The following MX1 variants were observed in gnomAD, a reference collection of about 807,000 sequenced individuals.
MX1 encodes the protein MX dynamin like GTPase 1.
In MX1, 66 loss-of-function variants were observed where a neutral mutation model predicts 66.4. The observed-to-expected ratio is 0.99, with a 90% CI of 0.82 to 1.22. The LOEUF (loss-of-function observed/expected upper bound fraction) is 1.22. Among genes scored for constraint, MX1 ranks in the 50% most tolerant of loss-of-function variants. The pLI, the probability that MX1 is intolerant of heterozygous loss-of-function variation, is 0.00. For missense variants in MX1, 787 were observed against 834.3 expected (o/e 0.94, Z 0.70); for synonymous variants, 311 against 318.1 (o/e 0.98, Z 0.24).
At chr21:41,434,990 A>G (rs1474350113) in intron 5 of MX1, among the ~76,000 whole-genome samples, 2 of 152,230 alleles carry the variant, frequency 1.3e-5, no homozygotes, top group Non-Finnish European at 1.5e-5. Context: ...TTGAATGGCT[A>G]AAAAAGTCTT....
chr21:41,456,379 A>G (rs386760), intron 16 of MX1, among the ~76,000 whole-genome samples: 144,800 of 152,334 alleles, frequency 0.95, 69,373 homozygotes, highest in African/African-American at 0.99. Context: ...GGCCAGCAGG[A>G]AGAGCAGGCC....
chr21:41,436,866 C>A, intron 6 of MX1, 149 bp from the exon 7 acceptor site: 1 of 889,050 alleles, frequency 1.1e-6, no homozygotes, highest in Non-Finnish European at 1.7e-6. Flanking sequence ...AGTGCGATGT[C>A]CCCGCATATC....
chr21:41,452,333 G>T (rs2090853108), intron 15 of MX1, among the ~76,000 whole-genome samples: 1 of 152,190 alleles, frequency 6.6e-6, no homozygotes, highest in African/African-American at 2.4e-5. Flanking sequence ...AAAGAGAAAG[G>T]AAAGAAGCTG....
At chr21:41,429,645 A>T (rs1422915968) in intron 3 of MX1, 1 of 152,152 alleles carries the variant, frequency 6.6e-6, no homozygotes, top group Admixed American at 6.5e-5. Context: ...ATTACCTTTT[A>T]TAACCATCCC....
chr21:41,456,294 G>T (rs944649362), intron 16 of MX1, among the ~76,000 whole-genome samples: 5 of 152,092 alleles, frequency 3.3e-5, no homozygotes, highest in Admixed American at 3.3e-4. Flanking sequence ...CAGAAGGAAA[G>T]AAAGAAATAT....
intron 14 of MX1, 23 bp from the exon 15 acceptor site, chr21:41,451,144 A>G (rs770806099): frequency 1.3e-6 from 2 of 1,511,596 alleles, no homozygotes; most frequent in Non-Finnish European, 1.8e-6. Context: ...CCAATATTGA[A>G]CTATTTTTCT....
Position 41,441,673 on chromosome 21 carries a change from C to G in MX1, c.731-43C>G, listed in dbSNP as rs200274669. On this transcript the variant is annotated intron_variant, in intron 9 of 16. Coordinates refer to ENST00000398598, the MANE Select transcript of MX1 (RefSeq NM_002462.5). This position sits in a 1 kb window ranked among gnomAD's most constrained non-coding sequence, Gnocchi z 4.0. ...AGCAGTTGTTCGTTCACCTCTGCCT[C>G]GTGACTGAGCACGTTCTCTCCCCAA... 2 of 1,605,624 alleles carry G rather than the reference C, an allele frequency of 1.2e-6. No homozygotes were observed. Among genetic ancestry groups the G allele is most frequent in the Non-Finnish European group, 8.5e-7 (1 of 1,172,496 alleles).
chr21:41,436,370 G>T (rs1216690963), intron 6 of MX1, among the ~76,000 whole-genome samples: 2 of 152,250 alleles, frequency 1.3e-5, no homozygotes, highest in Non-Finnish European at 1.5e-5. Context: ...CCCATTAGGG[G>T]TTAGGGCTTC....
At position 41,441,757 on chromosome 21, in the gene MX1, G is replaced by C. The variant is rs1355102263; in HGVS notation, c.772G>C (p.Asp258His). The C allele has an allele frequency of 6.2e-7, 1 of 1,614,108 alleles. No homozygotes were observed. Among genetic ancestry groups the C allele is most frequent in the African/African-American group, 1.3e-5 (1 of 74,936 alleles). Residue 258 changes from aspartate (D) to histidine (H), a missense_variant, in exon 10 of 17, where the codon GAC (aspartate) becomes CAC (histidine). Physicochemically the swap from Asp to His is moderately conservative, Grantham distance 81. Transcript: ENST00000398598. This position sits in a 1 kb window ranked among gnomAD's most constrained non-coding sequence, Gnocchi z 4.0. ...KPDLVDKGTE[D>H]KVVDVVRNLV... The stretch of plus-strand genomic sequence containing the variant: ...TGATCTGGTGGACAAAGGAACTGAA[G>C]ACAAGGTTGTGGACGTGGTGCGGAA...
upstream of MX1, chr21:41,422,934 C>T (rs1047668534): frequency 3.9e-4 from 59 of 152,240 alleles, no homozygotes; most frequent in African/African-American, 1.4e-3. Flanking sequence ...ACACGAGTCC[C>T]TCTAGCTGAT....
Position 41,456,481 on chromosome 21 carries a change from T to C in MX1, c.1759-2047T>C, listed in dbSNP as rs866900950. 5.4e-4 allele frequency among the ~76,000 whole-genome samples: 82 copies of C among 152,132 alleles called. 1 individual carries two copies. The highest frequency in any genetic ancestry group is 1.9e-3 in the African/African-American group (79 of 41,420). ...TTTTCTTCTTAAGACCCTCAACTGA[T>C]TGGATGAGGCCCATCCACATCATTG... On this transcript the variant is annotated intron_variant, in intron 16 of 16. Coordinates refer to ENST00000398598, the MANE Select transcript of MX1 (RefSeq NM_002462.5).
chr21:41,424,956 G>C (rs1481597485), upstream of MX1, among the ~76,000 whole-genome samples: 1 of 152,228 alleles, frequency 6.6e-6, no homozygotes, highest in Non-Finnish European at 1.5e-5. Flanking sequence ...TGGCAATTCA[G>C]TTATATTGAC....
At position 41,452,692 on chromosome 21, in the gene MX1, G is replaced by A. The variant is rs2090863434; in HGVS notation, c.1581G>A (p.Met527Ile). ...GEKLIRLHFQ[M>I]EQIVYCQDQV... ...AGCTGATCCGCCTCCACTTCCAGAT[G>A]GAACAGATTGTCTACTGCCAGGACC... Residue 527 changes from methionine (M) to isoleucine (I), a missense_variant, in exon 16 of 17, where the codon ATG becomes ATA. Met to Ile is a conservative substitution (Grantham distance 10). Coordinates refer to ENST00000398598, the MANE Select transcript of MX1 (RefSeq NM_002462.5). The A allele has an allele frequency of 6.2e-7, 1 of 1,614,206 alleles. No individual in the cohort carries two copies. The highest frequency in any genetic ancestry group is 8.5e-7 in the Non-Finnish European group (1 of 1,180,038).
rs201396715 is a variant in MX1 at position 41,455,993 on chromosome 21, GCA to G, written c.1759-2533_1759-2532del. 8.8e-3 allele frequency among the ~76,000 whole-genome samples: 1,345 copies of G among 152,316 alleles called. 11 individuals are homozygous for G. Among genetic ancestry groups the G allele is most frequent in the Non-Finnish European group, 0.014 (930 of 68,022 alleles). On this transcript the variant is annotated intron_variant, in intron 16 of 16. Transcript: ENST00000398598. ...ATGGTGGCTCATGCCTGTAATCCCG[GCA>G]CTCTGGAAGGCTGAGGTGGGTGGAT...
intron 15 of MX1, among the ~76,000 whole-genome samples, chr21:41,452,230 A>G (rs924107197): frequency 5.3e-5 from 8 of 152,332 alleles, no homozygotes; most frequent in Middle Eastern, 3.4e-3. Flanking sequence ...AACATAAAAC[A>G]TAATTTTCTG....
chr21:41,424,227 G>GTGTC (rs1491290716), upstream of MX1, among the ~76,000 whole-genome samples: 2 of 10,420 alleles, frequency 1.9e-4, no homozygotes, highest in Non-Finnish European at 2.9e-4. Flanking sequence ...GAGGGGTTGA[G>GTGTC]TGTGTGTGTG....
At chr21:41,457,237 C>T (rs545811807) in intron 16 of MX1, among the ~76,000 whole-genome samples, 12 of 152,244 alleles carry the variant, frequency 7.9e-5, no homozygotes, top group Admixed American at 2.6e-4. Context: ...TAGACCTCTG[C>T]GATTTCTGTT....
chr21:41,453,078 C>CT (rs1345915002), intron 16 of MX1, among the ~76,000 whole-genome samples: 4 of 152,188 alleles, frequency 2.6e-5, no homozygotes, highest in African/African-American at 9.7e-5. Flanking sequence ...GTTTAACGGA[C>CT]TTACAGTTCC....
intron 14 of MX1, 61 bp from the exon 15 acceptor site, chr21:41,451,106 C>A: frequency 8.9e-7 from 1 of 1,122,234 alleles, no homozygotes; most frequent in Non-Finnish European, 1.3e-6. Flanking sequence ...TATTTTTTTG[C>A]ATCTTAAGAA....
Sources: allele counts gnomAD v4.1 joint callset (sites outside exome capture counted in the v4.1 genomes callset), GRCh38; gene constraint gnomAD v4.1.1; non-coding constraint Gnocchi (gnomAD v3.1); transcripts MANE v1.5; gene names NCBI Gene and HGNC (gene_info 2026-07-23, HGNC 2026-07-21).